CNTN5: variants seen among roughly 807,000 people sequenced by gnomAD.
CNTN5 encodes contactin-5.
A neutral mutation model predicts 129.1 loss-of-function variants in CNTN5; 77 were observed. That is an observed-to-expected ratio of 0.60 (90% CI 0.50 to 0.72). The LOEUF (loss-of-function observed/expected upper bound fraction) is 0.72. Ranked by LOEUF, CNTN5 falls within the 30% of genes least tolerant of loss-of-function variation. CNTN5 has a pLI of 0.00. For synonymous variants in CNTN5, 509 were observed against 465.6 expected (o/e 1.09, Z -1.20); for missense variants, 1,478 against 1,328.8 (o/e 1.11, Z -1.75).
At chr11:100,238,852 A>G (rs955958972) in intron 16 of CNTN5, among the ~76,000 whole-genome samples, 1 of 152,202 alleles carries the variant, frequency 6.6e-6, no homozygotes, top group African/African-American at 2.4e-5. Context: ...ATCCAATAAT[A>G]TTCTGATTGT....
intron 3 of CNTN5, among the ~76,000 whole-genome samples, chr11:99,579,170 G>C (rs1461343742): frequency 6.6e-6 from 1 of 152,120 alleles, no homozygotes; most frequent in Admixed American, 6.5e-5. Context: ...TGAGGGCTCT[G>C]TTCTGTTCCA....
chr11:99,797,932 CTGTT>C (rs1037962841), intron 3 of CNTN5, among the ~76,000 whole-genome samples: 29 of 151,854 alleles, frequency 1.9e-4, no homozygotes, highest in African/African-American at 7.0e-4. Flanking sequence ...TAGCCTCTGC[CTGTT>C]TATCTTTTTT....
chr11:99,506,135 T>C lies in CNTN5; in HGVS notation c.-70-50010T>C, dbSNP rs559748091. 9.2e-5 allele frequency among the ~76,000 whole-genome samples: 14 copies of C among 152,376 alleles called. No homozygotes were observed. The South Asian group carries it at 2.3e-3, about 25-fold the overall frequency. On this transcript the variant is annotated intron_variant, in intron 2 of 24. Coordinates refer to ENST00000524871, the MANE Select transcript of CNTN5 (RefSeq NM_014361.4). The stretch of plus-strand genomic sequence containing the variant: ...AACATTTGTTACTGGTAGTTGATCT[T>C]GGACTTTTTGATCCATGAATCTGAA...
At chr11:99,965,782 G>A (rs1275037539) in intron 8 of CNTN5, among the ~76,000 whole-genome samples, 1 of 152,080 alleles carries the variant, frequency 6.6e-6, no homozygotes, top group African/African-American at 2.4e-5. Context: ...CCACTATTGT[G>A]TGGGAGTCTA....
chr11:100,142,220 C>G (rs1946717578), intron 13 of CNTN5, among the ~76,000 whole-genome samples: 1 of 152,152 alleles, frequency 6.6e-6, no homozygotes, highest in South Asian at 2.1e-4. Context: ...TTCTGGGTCA[C>G]CAGCTTGCAG....
At chr11:99,092,776 T>C (rs1378105526) in intron 1 of CNTN5, among the ~76,000 whole-genome samples, 1 of 152,094 alleles carries the variant, frequency 6.6e-6, no homozygotes, top group Non-Finnish European at 1.5e-5. Flanking sequence ...TAGATGTGTG[T>C]TTGTATTCAG....
rs569427188 is a variant in CNTN5, at chr11:99,778,091, T to G, written c.56-41453T>G. Among the ~76,000 whole-genome samples, 7 of 152,004 alleles carry G rather than the reference T, an allele frequency of 4.6e-5. No homozygotes were observed. In the East Asian group the frequency reaches 9.7e-4, roughly 21 times the overall value. On this transcript the variant is annotated intron_variant, in intron 3 of 24. Transcript: ENST00000524871. ...GAGTTGAATTTTTTTTCAACTTATCTTACCAGATGCACTGTTCACATCCTC... is the reference window on the plus strand; with the variant it reads ...GAGTTGAATTTTTTTTCAACTTATCGTACCAGATGCACTGTTCACATCCTC...
At chr11:99,322,028 A>T (rs1481121819) in intron 1 of CNTN5, among the ~76,000 whole-genome samples, 5 of 152,170 alleles carry the variant, frequency 3.3e-5, no homozygotes, top group Non-Finnish European at 5.9e-5. Flanking sequence ...TAGAGTGTCC[A>T]TAAACTTGTA....
At chr11:99,448,328 G>A (rs1206851406) in intron 2 of CNTN5, among the ~76,000 whole-genome samples, 1 of 152,074 alleles carries the variant, frequency 6.6e-6, no homozygotes, top group East Asian at 1.9e-4. Context: ...ACATTAATAA[G>A]TTTACTTGAC....
intron 2 of CNTN5, among the ~76,000 whole-genome samples, chr11:99,387,897 A>G (rs1011601565): frequency 1.3e-5 from 2 of 152,146 alleles, no homozygotes; most frequent in Non-Finnish European, 2.9e-5. Flanking sequence ...TTTACATCTC[A>G]GTGGCCAACC....
intron 3 of CNTN5, among the ~76,000 whole-genome samples, chr11:99,592,470 G>T (rs978765829): frequency 1.2e-4 from 19 of 152,014 alleles, no homozygotes; most frequent in Admixed American, 9.8e-4. Context: ...ATGCTGCAAT[G>T]ATGACAAATA....
chr11:100,131,421 T>G (rs940984372), intron 13 of CNTN5, among the ~76,000 whole-genome samples: 1 of 152,038 alleles, frequency 6.6e-6, no homozygotes, highest in Admixed American at 6.6e-5. Context: ...GAAGAATGAT[T>G]CCAGGATGGA....
intron 2 of CNTN5, among the ~76,000 whole-genome samples, chr11:99,436,038 G>A (rs1026041784): frequency 3.3e-5 from 5 of 152,080 alleles, no homozygotes; most frequent in Non-Finnish European, 2.9e-5. Flanking sequence ...TGTTCTCTAA[G>A]TTCATGCAGT....
chr11:99,059,584 G>A (rs1159585219), intron 1 of CNTN5, among the ~76,000 whole-genome samples: 1 of 125,768 alleles, frequency 8.0e-6, no homozygotes, highest in Non-Finnish European at 1.8e-5. Flanking sequence ...TTATCCTGTG[G>A]AATTCACACA....
At chr11:100,340,794 C>CA (rs1222042019) in intron 22 of CNTN5, 145 bp downstream of exon 22, 2 of 751,620 alleles carry the variant, frequency 2.7e-6, no homozygotes, top group Non-Finnish European at 4.2e-6. Context: ...TCTGAATCCT[C>CA]AAACTAGCTC....
At position 99,450,127 on chromosome 11, in the gene CNTN5, G is replaced by A. The variant is rs71474523; in HGVS notation, c.-70-106018G>A. Among the ~76,000 whole-genome samples the A allele has an allele frequency of 4.9e-3, 746 of 151,912 alleles. 3 individuals carry two copies. The highest frequency in any genetic ancestry group is 6.8e-3 in the Non-Finnish European group (461 of 67,946). ...TTTTAGTGTTATTCCCCAGTGTTTG[G>A]GGAAAAAGAGTTACTGAAAAGAGCT... On this transcript the variant is annotated intron_variant, in intron 2 of 24. Transcript: ENST00000524871.
chr11:100,172,390 T>C (rs981640541), intron 13 of CNTN5, among the ~76,000 whole-genome samples: 3 of 152,098 alleles, frequency 2.0e-5, no homozygotes, highest in Admixed American at 2.0e-4. Context: ...GTTATTATGA[T>C]ACTCATTTCC....
intron 6 of CNTN5, among the ~76,000 whole-genome samples, chr11:99,867,230 T>G (rs923007471): frequency 6.6e-6 from 1 of 152,172 alleles, no homozygotes; most frequent in African/African-American, 2.4e-5. Context: ...TCATATTGTT[T>G]TCTTCTTTTC....
At chr11:99,356,834 G>C (rs992859787) in intron 2 of CNTN5, among the ~76,000 whole-genome samples, 2 of 152,080 alleles carry the variant, frequency 1.3e-5, no homozygotes, top group African/African-American at 4.8e-5. Context: ...TTTGATTCAG[G>C]AAATAATTAG....
Sources: allele counts gnomAD v4.1 joint callset (sites outside exome capture counted in the v4.1 genomes callset), GRCh38; gene constraint gnomAD v4.1.1; transcripts MANE v1.5; gene names NCBI Gene and HGNC (gene_info 2026-07-23, HGNC 2026-07-21).